Variants in DCUN1D1 observed in about 807,000 individuals in gnomAD.
DCUN1D1 encodes the protein DCN1-like protein 1.
A neutral mutation model predicts 39.0 loss-of-function variants in DCUN1D1; 3 were observed. The ratio of observed to expected loss-of-function variants is 0.08; its 90% confidence interval spans 0.04 to 0.20. DCUN1D1 has a LOEUF of 0.20. Among genes scored for constraint, DCUN1D1 ranks in the 10% least tolerant of loss-of-function variants. The pLI is 1.00. For synonymous variants in DCUN1D1, 82 were observed against 96.3 expected, an observed-to-expected ratio of 0.85 and a Z score of 0.87; for missense variants, 158 against 302.4, an observed-to-expected ratio of 0.52 and a Z score of 3.54.
At chr3:182,971,853 G>A (rs1727956335) in intron 1 of DCUN1D1, among the ~76,000 whole-genome samples, 1 of 152,050 alleles carries the variant, frequency 6.6e-6, no homozygotes, top group African/African-American at 2.4e-5. Context: ...GTCTTCAAGT[G>A]AAAAGAAAAA....
intron 4 of DCUN1D1, among the ~76,000 whole-genome samples, chr3:182,959,639 C>A (rs1253190608): frequency 6.6e-6 from 1 of 151,864 alleles, no homozygotes; most frequent in African/African-American, 2.4e-5. Context: ...TTTGGCACGG[C>A]ACATAGCAGG....
intron 1 of DCUN1D1, among the ~76,000 whole-genome samples, chr3:182,971,588 C>CA (rs1232852458): frequency 0.034 from 4,667 of 138,936 alleles, 263 homozygotes; most frequent in African/African-American, 0.12. Context: ...AAAAAAAAAA[C>CA]AAAAAAAAAA....
At chr3:182,961,733 C>A (rs1243762411) in intron 3 of DCUN1D1, among the ~76,000 whole-genome samples, 1 of 152,106 alleles carries the variant, frequency 6.6e-6, no homozygotes, top group Non-Finnish European at 1.5e-5. Context: ...AGTAATTAAT[C>A]GCGTCTACTA....
In DCUN1D1 at chr3:182,938,476, T is replaced by C. The variant is rs978369128; in HGVS notation, c.*6618A>G. 5 of 152,178 alleles carry C rather than the reference T, an allele frequency of 3.3e-5. No homozygotes were observed. The highest frequency in any genetic ancestry group is 2.0e-4 in the Admixed American group (3 of 15,272). 9.4% of individuals were successfully genotyped at this position (152,178 alleles called of 1,614,324 possible). On this transcript the variant is annotated 3_prime_UTR_variant, in exon 7 of 7. Coordinates refer to ENST00000292782, the MANE Select transcript of DCUN1D1 (RefSeq NM_020640.4). ...GTTTTATTTAACAGTCCTTATCTTT[T>C]AGACATACATATTGAAATATTTACA...
intron 1 of DCUN1D1, among the ~76,000 whole-genome samples, chr3:182,969,923 C>A (rs149958751): frequency 6.6e-6 from 1 of 152,198 alleles, no homozygotes; most frequent in East Asian, 1.9e-4. Flanking sequence ...TTAAATCTAG[C>A]ATATTTGCAT....
intron 4 of DCUN1D1, among the ~76,000 whole-genome samples, chr3:182,957,238 T>C (rs1727119669): frequency 6.6e-6 from 1 of 152,230 alleles, no homozygotes; most frequent in East Asian, 1.9e-4. Context: ...AAGGAGAAAC[T>C]GAATGAGCAT....
At chr3:182,947,216 G>T (rs1248047541) in intron 6 of DCUN1D1, 22 bp downstream of exon 6, 1 of 1,437,984 alleles carries the variant, frequency 7.0e-7, no homozygotes, top group Non-Finnish European at 9.6e-7. Context: ...AAAAAAAGTG[G>T]TGTGGCAAAA....
At chr3:182,979,756 T>G (rs762250561) in intron 1 of DCUN1D1, among the ~76,000 whole-genome samples, 1 of 152,122 alleles carries the variant, frequency 6.6e-6, no homozygotes, top group Non-Finnish European at 1.5e-5. Context: ...TGTTCCCTAA[T>G]TTTATGAAAT....
At chr3:182,958,688 T>C (rs2108641850) in intron 4 of DCUN1D1, among the ~76,000 whole-genome samples, 1 of 152,310 alleles carries the variant, frequency 6.6e-6, no homozygotes, top group African/African-American at 2.4e-5. Flanking sequence ...TTAAGCACAA[T>C]ACTTATTAGA....
chr3:182,959,118 T>TA (rs1727243860), intron 4 of DCUN1D1, among the ~76,000 whole-genome samples: 1 of 152,208 alleles, frequency 6.6e-6, no homozygotes. Flanking sequence ...ACATCCCAGT[T>TA]AACTGGTGGC....
In DCUN1D1 at chr3:182,941,152, TA is replaced by T. The variant is rs1726117506; in HGVS notation, c.*3941del. 5 of 106,714 alleles carry T rather than the reference TA, an allele frequency of 4.7e-5. No homozygotes were observed. Among genetic ancestry groups the T allele is most frequent in the Non-Finnish European group, 1.3e-4 (5 of 37,348 alleles). The allele number at this position is 106,714 out of a possible 1,614,324, so 6.6% of individuals were successfully genotyped here. ...GAATGCTCTGATAAAATCATTTATG[TA>T]ACTATATTATGAGTTTGAAAAAACA... is the stretch of plus-strand genomic sequence containing the variant. On this transcript the variant is annotated 3_prime_UTR_variant, in exon 7 of 7. Transcript: ENST00000292782.
At chr3:182,977,536 A>G (rs563802057) in intron 1 of DCUN1D1, among the ~76,000 whole-genome samples, 1 of 151,790 alleles carries the variant, frequency 6.6e-6, no homozygotes, top group Non-Finnish European at 1.5e-5. Context: ...TCTGGGTTCC[A>G]GTGATTCTCC....
chr3:182,960,750 T>C (rs1165159348), intron 4 of DCUN1D1, among the ~76,000 whole-genome samples: 1 of 152,244 alleles, frequency 6.6e-6, no homozygotes, highest in Non-Finnish European at 1.5e-5. Flanking sequence ...ACAGTGGTTA[T>C]TTCTGGATAA....
chr3:182,962,469 A>C (rs1265983052), intron 3 of DCUN1D1, among the ~76,000 whole-genome samples: 2 of 152,210 alleles, frequency 1.3e-5, no homozygotes, highest in Admixed American at 6.5e-5. Flanking sequence ...GTGTGTGGGA[A>C]GGTCCCAGCA....
In DCUN1D1 at chr3:182,947,327, T is replaced by C. The variant is rs1402523100; in HGVS notation, c.611A>G (p.His204Arg). The change falls in exon 6 of 7, where the codon CAT becomes CGT. Residue 204 changes from histidine (H) to arginine (R), a missense_variant. Coordinates refer to ENST00000292782, the MANE Select transcript of DCUN1D1 (RefSeq NM_020640.4). ...DLWNKFLLEH[H>R]KRSIPKDTWN... ...AGTGTCTTTTGGTATTGATCGTTTA[T>C]GATGTTCCTATTTAAAAAACAAAAA... The C allele has an allele frequency of 3.8e-6, 6 of 1,597,596 alleles. No homozygotes were observed. The highest frequency in any genetic ancestry group is 5.1e-6 in the Non-Finnish European group (6 of 1,172,184).
At chr3:182,979,950 C>G (rs1728443484) in intron 1 of DCUN1D1, 1 of 155,274 alleles carries the variant, frequency 6.4e-6, no homozygotes, top group South Asian at 2.0e-4. Flanking sequence ...GCAAAACTGC[C>G]TGGGAGACTT....
Position 182,938,286 on chromosome 3 carries a change from G to A in DCUN1D1, c.*6808C>T, listed in dbSNP as rs964483758. On this transcript the variant is annotated 3_prime_UTR_variant, in exon 7 of 7. Coordinates refer to ENST00000292782, the MANE Select transcript of DCUN1D1 (RefSeq NM_020640.4). The stretch of plus-strand genomic sequence containing the variant: ...AATTTGAAGCCAAAGAGTGGAGAGT[G>A]TGGGGATCCACTGGGTAGGACATTT... 2.0e-5 allele frequency: 3 copies of A among 151,650 alleles called. No individual in the cohort carries two copies. The highest frequency in any genetic ancestry group is 7.3e-5 in the African/African-American group (3 of 41,242). 9.4% of individuals were successfully genotyped at this position (151,650 alleles called of 1,614,324 possible).
intron 1 of DCUN1D1, among the ~76,000 whole-genome samples, chr3:182,969,576 A>G (rs1727833285): frequency 6.6e-6 from 1 of 152,238 alleles, no homozygotes; most frequent in Admixed American, 6.5e-5. Context: ...ATACTTATTT[A>G]AAGGGAATAA....
chr3:182,948,036 C>T (rs1045318453), intron 4 of DCUN1D1, among the ~76,000 whole-genome samples: 2 of 152,116 alleles, frequency 1.3e-5, no homozygotes, highest in Admixed American at 6.5e-5. Context: ...GGAAATTTAG[C>T]AATATCTCTG....
Sources: gnomAD v4.1 joint callset for allele counts (sites outside exome capture counted in the v4.1 genomes callset) on GRCh38, gnomAD v4.1.1 for gene constraint, MANE v1.5 for transcripts, NCBI Gene and HGNC (gene_info 2026-07-23, HGNC 2026-07-21) for gene names.